STK39: variants seen among roughly 807,000 people sequenced by gnomAD.
The protein encoded by STK39 is STE20/SPS1-related proline-alanine-rich protein kinase.
STK39 carries 20 observed loss-of-function variants against 77.8 expected under a neutral mutation model. That is an observed-to-expected ratio of 0.26 (90% CI 0.18 to 0.37). The LOEUF (loss-of-function observed/expected upper bound fraction) is 0.37, where lower values mean the gene tolerates loss of function less well. Among genes scored for constraint, STK39 ranks in the 10% least tolerant of loss-of-function variants. STK39 has a pLI of 1.00. For synonymous variants in STK39, 246 were observed against 234.1 expected (o/e 1.05, Z -0.47); for missense variants, 479 against 656.5 (o/e 0.73, Z 2.95).
intron 2 of STK39, among the ~76,000 whole-genome samples, chr2:168,174,342 C>T (rs1242171048): frequency 3.3e-5 from 5 of 152,096 alleles, no homozygotes; most frequent in Admixed American, 3.3e-4. Context: ...TATCCCAAGG[C>T]CTACTTGCTT....
intron 10 of STK39, chr2:168,112,810 A>G (rs1687154583): frequency 6.6e-6 from 1 of 152,166 alleles, no homozygotes; most frequent in Admixed American, 6.5e-5. Flanking sequence ...GAATCAAATG[A>G]TGAAGTGATT....
intron 10 of STK39, among the ~76,000 whole-genome samples, chr2:168,094,278 G>A (rs930737799): frequency 5.3e-5 from 8 of 152,136 alleles, no homozygotes; most frequent in Non-Finnish European, 7.3e-5. Context: ...CTGTAGCCTC[G>A]ACACAGTCCT....
At chr2:167,972,652 A>C (rs1253092542) in intron 16 of STK39, among the ~76,000 whole-genome samples, 1 of 152,180 alleles carries the variant, frequency 6.6e-6, no homozygotes, top group African/African-American at 2.4e-5. Flanking sequence ...TTGGCTAGCC[A>C]GGGTTGGATA....
chr2:167,957,922 G>T (rs1246053844), intron 17 of STK39, among the ~76,000 whole-genome samples: 1 of 152,182 alleles, frequency 6.6e-6, no homozygotes, highest in African/African-American at 2.4e-5. Context: ...GGTCCTCAGT[G>T]CCTCCCATAG....
intron 15 of STK39, among the ~76,000 whole-genome samples, chr2:168,013,446 G>C (rs1374535345): frequency 6.6e-6 from 1 of 152,202 alleles, no homozygotes; most frequent in Non-Finnish European, 1.5e-5. Flanking sequence ...AAGGGAAATT[G>C]ATAAATTGCA....
intron 16 of STK39, among the ~76,000 whole-genome samples, chr2:168,001,931 G>C (rs1684012014): frequency 6.6e-6 from 1 of 152,190 alleles, no homozygotes; most frequent in Admixed American, 6.5e-5. Context: ...ACTTCCACTA[G>C]AAATATATTT....
intron 5 of STK39, among the ~76,000 whole-genome samples, chr2:168,159,506 AT>A (rs1688516716): frequency 6.6e-6 from 1 of 152,262 alleles, no homozygotes; most frequent in South Asian, 2.1e-4. Context: ...CAGCAGTAAC[AT>A]CTACCTTTCC....
intron 3 of STK39, among the ~76,000 whole-genome samples, chr2:168,164,902 G>T (rs1688660655): frequency 6.6e-6 from 1 of 152,116 alleles, no homozygotes; most frequent in South Asian, 2.1e-4. Context: ...TGACATTTCT[G>T]AAGAGTTAAC....
At chr2:168,027,987 AAG>A (rs1254185736) in intron 14 of STK39, among the ~76,000 whole-genome samples, 1 of 152,192 alleles carries the variant, frequency 6.6e-6, no homozygotes, top group Non-Finnish European at 1.5e-5. Flanking sequence ...AGCTACGAAA[AAG>A]AGTTTTCATC....
intron 1 of STK39, among the ~76,000 whole-genome samples, chr2:168,228,006 G>C (rs1690351901): frequency 6.6e-6 from 1 of 152,278 alleles, no homozygotes; most frequent in Admixed American, 6.5e-5. Flanking sequence ...AGAATAAGGT[G>C]ATCCAATAGT....
chr2:168,017,171 A>T (rs982799185), intron 14 of STK39, 76 bp from the exon 15 acceptor site: 14 of 951,418 alleles, frequency 1.5e-5, no homozygotes, highest in Non-Finnish European at 2.2e-5. Context: ...TCAGATTTTC[A>T]CAAGATGCTA....
intron 16 of STK39, among the ~76,000 whole-genome samples, chr2:168,008,773 A>C (rs1269513288): frequency 6.6e-6 from 1 of 152,204 alleles, no homozygotes; most frequent in African/African-American, 2.4e-5. Flanking sequence ...AATACCAGTA[A>C]GATGGGAGAA....
chr2:168,140,429 A>C (rs768803189), intron 6 of STK39, 39 bp from the exon 7 acceptor site: 1 of 1,544,068 alleles, frequency 6.5e-7, no homozygotes, highest in Non-Finnish European at 9.0e-7. Context: ...ATCATACAGC[A>C]GGCATGTTAC....
intron 10 of STK39, among the ~76,000 whole-genome samples, chr2:168,092,264 G>A (rs1686544691): frequency 6.6e-6 from 1 of 152,164 alleles, no homozygotes; most frequent in Non-Finnish European, 1.5e-5. Flanking sequence ...AGTCCTCAAG[G>A]AAAGCAATAA....
Position 168,019,017 on chromosome 2 carries a change from C to T in STK39, c.1377-1922G>A, listed in dbSNP as rs551553423. Among the ~76,000 whole-genome samples the T allele has an allele frequency of 2.8e-3, 423 of 152,226 alleles. 2 individuals are homozygous for T. The highest frequency in any genetic ancestry group is 9.4e-3 in the African/African-American group (392 of 41,542). ...CCTCAAGACATGTCCAAGCCCACAC[C>T]GAGATATGAGAGCCTTGGACCTTGA... On this transcript the variant is annotated intron_variant, in intron 14 of 17. Transcript: ENST00000355999.
chr2:168,136,204 T>TA (rs570507697), intron 8 of STK39, among the ~76,000 whole-genome samples: 87 of 151,396 alleles, frequency 5.7e-4, no homozygotes, highest in Non-Finnish European at 9.4e-4. Context: ...CCGTCTCTAC[T>TA]AAAATACAAA....
intron 1 of STK39, among the ~76,000 whole-genome samples, chr2:168,201,607 C>T (rs1689614004): frequency 6.6e-6 from 1 of 152,186 alleles, no homozygotes; most frequent in South Asian, 2.1e-4. Context: ...ATAAACTAGA[C>T]ACAAATAATT....
At chr2:168,013,668 C>A (rs1460953098) in intron 15 of STK39, among the ~76,000 whole-genome samples, 1 of 152,152 alleles carries the variant, frequency 6.6e-6, no homozygotes, top group Non-Finnish European at 1.5e-5. Context: ...CCTGAAAGTA[C>A]AGCTGCTAAA....
At chr2:168,018,528 GAAAAGAAAGA>G (rs1348259424) in intron 14 of STK39, among the ~76,000 whole-genome samples, 3,066 of 83,478 alleles carry the variant, frequency 0.037, 57 homozygotes, top group African/African-American at 0.079. Context: ...AGAAAAGAAA[GAAAAGAAAGA>G]AAAGAAAGAA....
Sources: allele counts gnomAD v4.1 joint callset (sites outside exome capture counted in the v4.1 genomes callset), GRCh38; gene constraint gnomAD v4.1.1; transcripts MANE v1.5; gene names NCBI Gene and HGNC (gene_info 2026-07-23, HGNC 2026-07-21).